CENPW: variants seen among roughly 807,000 people sequenced by gnomAD.
The protein encoded by CENPW is cancer-up-regulated gene 2 protein.
In CENPW, 3 loss-of-function variants were observed where a neutral mutation model predicts 11.1. The ratio of observed to expected loss-of-function variants is 0.27; its 90% confidence interval spans 0.12 to 0.70. The LOEUF (loss-of-function observed/expected upper bound fraction) is 0.70. CENPW is among the 30% of genes least tolerant of loss of function. CENPW has a pLI of 0.77. For missense variants in CENPW, 100 were observed against 105.6 expected (o/e 0.95, Z 0.23); for synonymous variants, 38 against 42.0 (o/e 0.91, Z 0.37).
At chr6:126,377,713 A>G in the CENPW span, among the ~76,000 whole-genome samples, 2 of 152,290 alleles carry the variant, frequency 1.3e-5, no homozygotes, top group Admixed American at 1.3e-4. Context: ...CTAATATACT[A>G]CTCACTTTGA....
the CENPW span, among the ~76,000 whole-genome samples, chr6:126,443,053 G>A: frequency 6.6e-6 from 1 of 151,134 alleles, no homozygotes; most frequent in African/African-American, 2.4e-5. Context: ...ATAGTCAGCT[G>A]TTTATTTTTT....
At chr6:126,433,542 G>T in the CENPW span, among the ~76,000 whole-genome samples, 2 of 152,088 alleles carry the variant, frequency 1.3e-5, no homozygotes, top group African/African-American at 4.8e-5. Flanking sequence ...CTTTTTCATT[G>T]CTTTTCAGGT....
At chr6:126,460,746 A>T in the CENPW span, among the ~76,000 whole-genome samples, 1 of 151,810 alleles carries the variant, frequency 6.6e-6, no homozygotes, top group Non-Finnish European at 1.5e-5. Flanking sequence ...GCAAGTAGGG[A>T]TTTGTCACCA....
the CENPW span, among the ~76,000 whole-genome samples, chr6:126,426,889 A>C: frequency 1.3e-5 from 2 of 152,190 alleles, no homozygotes; most frequent in Non-Finnish European, 2.9e-5. Flanking sequence ...TAAAGCTTTC[A>C]TGTAAAAAAT....
chr6:126,355,441 A>G, the CENPW span, among the ~76,000 whole-genome samples: 1 of 152,126 alleles, frequency 6.6e-6, no homozygotes, highest in Non-Finnish European at 1.5e-5. Context: ...CAATGCTCTG[A>G]GGGAGTCATA....
chr6:126,420,328 G>C, the CENPW span, among the ~76,000 whole-genome samples: 8 of 152,112 alleles, frequency 5.3e-5, no homozygotes, highest in Admixed American at 6.6e-5. Context: ...AGGATTTACT[G>C]AACTAGGGTA....
chr6:126,469,634 T>C, the CENPW span, among the ~76,000 whole-genome samples: 1 of 152,168 alleles, frequency 6.6e-6, no homozygotes, highest in Admixed American at 6.5e-5. Flanking sequence ...GCTTGAAACT[T>C]CCTGGAGACT....
chr6:126,430,291 A>AC, the CENPW span, among the ~76,000 whole-genome samples: 2 of 152,208 alleles, frequency 1.3e-5, no homozygotes, highest in African/African-American at 4.8e-5. Flanking sequence ...GTAAAACACA[A>AC]TTTGGCTTTA....
At chr6:126,393,678 A>G in the CENPW span, among the ~76,000 whole-genome samples, 1 of 150,534 alleles carries the variant, frequency 6.6e-6, no homozygotes, top group Non-Finnish European at 1.5e-5. Context: ...AATTTTCATG[A>G]CTTGTTTTGT....
the CENPW span, among the ~76,000 whole-genome samples, chr6:126,376,521 A>T: frequency 6.6e-6 from 1 of 152,086 alleles, no homozygotes; most frequent in Non-Finnish European, 1.5e-5. Context: ...AAAGGTAGCA[A>T]CTCAGGAGGC....
At chr6:126,385,103 A>G in the CENPW span, among the ~76,000 whole-genome samples, 1 of 152,104 alleles carries the variant, frequency 6.6e-6, no homozygotes, top group South Asian at 2.1e-4. Context: ...AAAAAGTTAA[A>G]AAATAACAGG....
At chr6:126,448,836 A>G in the CENPW span, among the ~76,000 whole-genome samples, 1 of 151,178 alleles carries the variant, frequency 6.6e-6, no homozygotes, top group African/African-American at 2.4e-5. Flanking sequence ...CACTAAGCCT[A>G]TACCCACCTG....
At chr6:126,360,839 T>G in the CENPW span, among the ~76,000 whole-genome samples, 8 of 152,208 alleles carry the variant, frequency 5.3e-5, no homozygotes, top group Admixed American at 3.3e-4. Flanking sequence ...CTGGATTCCT[T>G]GGATTGGGTC....
chr6:126,344,018 T>C (rs535655440), intron 1 of CENPW, among the ~76,000 whole-genome samples: 2 of 152,198 alleles, frequency 1.3e-5, no homozygotes, highest in South Asian at 4.1e-4. Context: ...TTTAATTGGG[T>C]CTGATTTAAA....
the CENPW span, among the ~76,000 whole-genome samples, chr6:126,441,170 G>C: frequency 6.6e-6 from 1 of 151,442 alleles, no homozygotes; most frequent in Non-Finnish European, 1.5e-5. Context: ...AATCCTGATA[G>C]TGGAGGCAAT....
chr6:126,346,373 G>C, intron 2 of CENPW, 55 bp downstream of exon 2: 1 of 1,037,296 alleles, frequency 9.6e-7, no homozygotes, highest in Non-Finnish European at 1.5e-6. Flanking sequence ...AATAACACTC[G>C]GTTCATCACC....
the CENPW span, among the ~76,000 whole-genome samples, chr6:126,459,032 A>C: frequency 3.3e-5 from 5 of 150,380 alleles, no homozygotes; most frequent in Non-Finnish European, 7.4e-5. Context: ...ATTGTGTCTA[A>C]ATTTCAAGTT....
At chr6:126,351,793 A>T (rs1172771938), downstream of CENPW, among the ~76,000 whole-genome samples, 1 of 151,562 alleles carries the variant, frequency 6.6e-6, no homozygotes. Context: ...CCTCAACCTC[A>T]TTTGAGGTCT....
At chr6:126,473,406 AC>A in the CENPW span, among the ~76,000 whole-genome samples, 1 of 152,054 alleles carries the variant, frequency 6.6e-6, no homozygotes, top group Non-Finnish European at 1.5e-5. Flanking sequence ...TTTTATCTTA[AC>A]TTTTTTCCTC....
Sources: allele counts gnomAD v4.1 joint callset (sites outside exome capture counted in the v4.1 genomes callset), GRCh38; gene constraint gnomAD v4.1.1; transcripts MANE v1.5; gene names NCBI Gene and HGNC (gene_info 2026-07-23, HGNC 2026-07-21).